The following NCAM2 variants were observed in gnomAD, a reference collection of about 807,000 sequenced individuals.
The protein encoded by NCAM2 is N-CAM-2.
NCAM2 carries 30 observed loss-of-function variants against 98.1 expected under a neutral mutation model. The observed-to-expected ratio is 0.31, with a 90% CI of 0.23 to 0.41. The LOEUF (loss-of-function observed/expected upper bound fraction) is 0.41, where lower values mean the gene tolerates loss of function less well. Among genes scored for constraint, NCAM2 ranks in the 10% least tolerant of loss-of-function variants. The pLI is 1.00. For synonymous variants in NCAM2, 368 were observed against 342.4 expected, an observed-to-expected ratio of 1.07 and a Z score of -0.83; for missense variants, 867 against 1,005.8, an observed-to-expected ratio of 0.86 and a Z score of 1.87.
rs1990167644 is a variant in NCAM2, at chr21:21,540,030, T to G, written c.*2073T>G. 6.6e-6 allele frequency: 1 copy of G among 152,154 alleles called. No homozygotes were observed. 9.4% of individuals were successfully genotyped at this position (152,154 alleles called of 1,614,324 possible). A position where few individuals can be genotyped will look rare whatever the true frequency, so the allele number is the denominator to read the frequency against. On this transcript the variant is annotated 3_prime_UTR_variant, in exon 18 of 18. Coordinates refer to ENST00000400546, the MANE Select transcript of NCAM2 (RefSeq NM_004540.5). ...TCCATGAAGCAATAGCCATGAATGC[T>G]AATTATTTCTAAATAGGGCCACATG...
chr21:21,210,962 CCCCAAACACACACACACA>C (rs1422416878), intron 1 of NCAM2, among the ~76,000 whole-genome samples: 16 of 119,694 alleles, frequency 1.3e-4, no homozygotes, highest in African/African-American at 5.6e-4. Flanking sequence ...CTAATACTCT[CCCCAAACACACACACACA>C]CACACACACA....
intron 1 of NCAM2, among the ~76,000 whole-genome samples, chr21:21,025,553 G>A (rs567151364): frequency 6.6e-6 from 1 of 152,238 alleles, no homozygotes; most frequent in Non-Finnish European, 1.5e-5. Context: ...AGTCTTTACT[G>A]AATATGAACA....
chr21:21,289,335 A>G (rs938533570), intron 4 of NCAM2, among the ~76,000 whole-genome samples: 2 of 152,108 alleles, frequency 1.3e-5, no homozygotes, highest in East Asian at 3.9e-4. Context: ...CTAGAGGGAA[A>G]GATAAATAGG....
chr21:21,089,348 G>A (rs1361841599), intron 1 of NCAM2, among the ~76,000 whole-genome samples: 1 of 152,000 alleles, frequency 6.6e-6, no homozygotes, highest in African/African-American at 2.4e-5. Context: ...AAGTATAAGT[G>A]ATTATTTTGG....
At chr21:21,198,830 G>A (rs1047690286) in intron 1 of NCAM2, among the ~76,000 whole-genome samples, 1 of 152,102 alleles carries the variant, frequency 6.6e-6, no homozygotes, top group African/African-American at 2.4e-5. Flanking sequence ...GAATATAAAT[G>A]TCAGAGACCA....
At chr21:21,374,189 A>G (rs232519) in intron 9 of NCAM2, among the ~76,000 whole-genome samples, 176 bp downstream of exon 9, 57,521 of 151,560 alleles carry the variant, frequency 0.38, 11,263 homozygotes, top group East Asian at 0.58. Context: ...TGGAAATTAC[A>G]GGATATTTCA....
At chr21:21,365,863 A>G (rs1357902281) in intron 8 of NCAM2, among the ~76,000 whole-genome samples, 1 of 152,142 alleles carries the variant, frequency 6.6e-6, no homozygotes, top group East Asian at 1.9e-4. Context: ...TAATCTATCC[A>G]AAGGTTAAGT....
In NCAM2 at chr21:20,998,543, C is replaced by T. The variant is rs1346158580; in HGVS notation, c.-21C>T. On this transcript the variant is annotated 5_prime_UTR_variant, in exon 1 of 18. Coordinates refer to ENST00000400546, the MANE Select transcript of NCAM2 (RefSeq NM_004540.5). ...TGGACTTAATAACTTTGAAACTGTCCACCGGTGTCACGTCCTGAACATGAG... is the reference window on the plus strand; with the variant it reads ...TGGACTTAATAACTTTGAAACTGTCTACCGGTGTCACGTCCTGAACATGAG... 6.2e-7 allele frequency: 1 copy of T among 1,613,044 alleles called. No homozygotes were observed. Among genetic ancestry groups the T allele is most frequent in the Admixed American group, 1.7e-5 (1 of 60,018 alleles).
intron 4 of NCAM2, among the ~76,000 whole-genome samples, chr21:21,287,512 A>G (rs1334725680): frequency 6.6e-6 from 1 of 151,888 alleles, no homozygotes; most frequent in African/African-American, 2.4e-5. Context: ...GGGTTGATGT[A>G]TTTTTAGCTC....
At chr21:21,204,191 T>G (rs1010669834) in intron 1 of NCAM2, among the ~76,000 whole-genome samples, 1 of 152,174 alleles carries the variant, frequency 6.6e-6, no homozygotes, top group African/African-American at 2.4e-5. Flanking sequence ...TTTATCTCCC[T>G]TGGTTCTTAC....
At chr21:21,125,423 TCATACATA>T (rs2066776884) in intron 1 of NCAM2, among the ~76,000 whole-genome samples, 4 of 5,776 alleles carry the variant, frequency 6.9e-4, no homozygotes, top group Non-Finnish European at 8.6e-4. Flanking sequence ...TTACATATAT[TCATACATA>T]TGTAATATAT....
chr21:21,312,984 G>A (rs771299299), intron 5 of NCAM2, among the ~76,000 whole-genome samples: 2 of 151,698 alleles, frequency 1.3e-5, no homozygotes, highest in South Asian at 2.1e-4. Flanking sequence ...GATGTGGTTC[G>A]TATTTTCAAC....
At chr21:21,000,839 G>A (rs1006422888) in intron 1 of NCAM2, among the ~76,000 whole-genome samples, 1 of 152,018 alleles carries the variant, frequency 6.6e-6, no homozygotes. Context: ...CTAGTGTTTT[G>A]TTCTCTAATT....
chr21:21,377,417 C>T (rs1290599484), intron 9 of NCAM2, among the ~76,000 whole-genome samples: 4 of 151,750 alleles, frequency 2.6e-5, no homozygotes, highest in Non-Finnish European at 5.9e-5. Context: ...AATGTATATA[C>T]ATAGAGTCAT....
chr21:21,466,825 A>T, intron 13 of NCAM2, 100 bp downstream of exon 13: 1 of 1,211,476 alleles, frequency 8.3e-7, no homozygotes, highest in East Asian at 2.6e-5. Context: ...CACTTTTGAG[A>T]CATGAATTAT....
rs188709412 is a variant in NCAM2 at position 21,069,554 on chromosome 21, C to T, written c.55+70936C>T. On this transcript the variant is annotated intron_variant, in intron 1 of 17. Transcript: ENST00000400546. ...TAAGTTCTAATACCTGGTGATGATT[C>T]CCCAACTGTGTACCCACTCAAACAC... Among the ~76,000 whole-genome samples the T allele has an allele frequency of 4.7e-4, 71 of 152,212 alleles. 1 individual carries two copies. Among genetic ancestry groups the T allele is most frequent in the Admixed American group, 4.6e-3 (71 of 15,278 alleles).
chr21:21,279,771 C>T (rs2072863572), intron 1 of NCAM2, among the ~76,000 whole-genome samples: 1 of 152,184 alleles, frequency 6.6e-6, no homozygotes, highest in Non-Finnish European at 1.5e-5. Flanking sequence ...GGTTCGTACT[C>T]TAGTTTCAGA....
chr21:21,291,060 A>G (rs1164866125), intron 4 of NCAM2, among the ~76,000 whole-genome samples: 10 of 151,872 alleles, frequency 6.6e-5, no homozygotes, highest in Admixed American at 6.6e-4. Flanking sequence ...AAGGTAAACA[A>G]TAGACTGTAG....
chr21:21,001,300 T>C (rs2064015663), intron 1 of NCAM2, among the ~76,000 whole-genome samples: 1 of 152,224 alleles, frequency 6.6e-6, no homozygotes, highest in Non-Finnish European at 1.5e-5. Context: ...AAGACGCTTT[T>C]TTTTATTGTA....
Sources: gnomAD v4.1 joint callset for allele counts (sites outside exome capture counted in the v4.1 genomes callset) on GRCh38, gnomAD v4.1.1 for gene constraint, MANE v1.5 for transcripts, NCBI Gene and HGNC (gene_info 2026-07-23, HGNC 2026-07-21) for gene names.